LPL: variants seen among roughly 807,000 people sequenced by gnomAD.
LPL encodes the protein lipoprotein lipase, also known as phospholipase A1.
LPL carries 43 observed loss-of-function variants against 52.2 expected under a neutral mutation model. The observed-to-expected ratio is 0.82, with a 90% CI of 0.64 to 1.06. LPL has a LOEUF of 1.06. Among genes scored for constraint, LPL ranks in the 50% least tolerant of loss-of-function variants. LPL has a pLI of 0.00. For missense variants in LPL, 639 were observed against 585.3 expected (o/e 1.09, Z -0.95); for synonymous variants, 244 against 215.6 (o/e 1.13, Z -1.15).
intron 1 of LPL, among the ~76,000 whole-genome samples, chr8:19,945,274 T>G (rs182899711): frequency 1.8e-4 from 27 of 152,182 alleles, no homozygotes; most frequent in Non-Finnish European, 3.1e-4. Flanking sequence ...GACTGAAGTT[T>G]GGGAAGCATA....
At position 19,944,421 on chromosome 8, in the gene LPL, A is replaced by C. The variant is rs577698339; in HGVS notation, c.89-3759A>C. 2.8e-5 allele frequency among the ~76,000 whole-genome samples: 4 copies of C among 142,788 alleles called. No individual in the cohort carries two copies. The highest frequency in any genetic ancestry group is 1.0e-4 in the African/African-American group (4 of 38,678). 93.7% of individuals were successfully genotyped at this position (142,788 alleles called of 152,430 possible). ...GTCTCAGAGAGCAAATGAATTACTG[A>C]GGAAGCCCTGTAGGAGTGAGAGAAA... is the stretch of plus-strand genomic sequence containing the variant. On this transcript the variant is annotated intron_variant, in intron 1 of 9. Coordinates refer to ENST00000650287, the MANE Select transcript of LPL (RefSeq NM_000237.3). This position sits in a 1 kb window ranked among gnomAD's most constrained non-coding sequence, Gnocchi z 4.2.
chr8:19,964,870 G>T (rs1183266122), intron 9 of LPL, among the ~76,000 whole-genome samples: 3 of 152,130 alleles, frequency 2.0e-5, no homozygotes, highest in Non-Finnish European at 2.9e-5. Context: ...TATCTAGGAG[G>T]TAATTATAAA....
chr8:19,948,510 A>G, intron 2 of LPL, 170 bp downstream of exon 2: 2 of 727,708 alleles, frequency 2.7e-6, no homozygotes, highest in South Asian at 3.8e-5. Flanking sequence ...CCACAGGTTC[A>G]TGAGAACTCC....
chr8:19,948,587 G>C (rs373827157), intron 2 of LPL: 15 of 480,802 alleles, frequency 3.1e-5, no homozygotes, highest in African/African-American at 1.7e-4. Context: ...AGAGCTTCCT[G>C]CGAGGTTGGT....
rs540842747 is a variant in LPL at position 19,954,101 on chromosome 8, T to C, written c.542-19T>C. 2.5e-6 allele frequency: 4 copies of C among 1,578,530 alleles called. No individual in the cohort carries two copies. Among genetic ancestry groups the C allele is most frequent in the African/African-American group, 1.3e-5 (1 of 74,396 alleles). On this transcript the variant is annotated intron_variant, in intron 4 of 9. Transcript: ENST00000650287. Reference sequence around the variant, plus strand: ...ATGGAAATTTACAAATCTGTGTTCCTGCTTTTTTCCCTTTTAAGGCCTCGA... The same window carrying C: ...ATGGAAATTTACAAATCTGTGTTCCCGCTTTTTTCCCTTTTAAGGCCTCGA...
At chr8:19,954,505 C>T in intron 5 of LPL, 152 bp downstream of exon 5, 1 of 736,418 alleles carries the variant, frequency 1.4e-6, no homozygotes, top group South Asian at 1.7e-5. Flanking sequence ...TCAGCATGAC[C>T]ACCTTAGAGC....
At position 19,951,866 on chromosome 8, in the gene LPL, G is replaced by A. The variant is rs775728208; in HGVS notation, c.347G>A (p.Arg116Gln). Residue 116 changes from arginine (R) to glutamine (Q), a missense_variant, in exon 3 of 10, where the codon CGG becomes CAG. Physicochemically the swap from Arg to Gln is conservative, Grantham distance 43. Transcript: ENST00000650287. ...GTCATTGTGGTGGACTGGCTGTCAC[G>A]GGCTCAGGAGCATTACCCAGTGTCC... is the stretch of plus-strand genomic sequence containing the variant. Reference protein sequence around the residue: ...SNVIVVDWLSRAQEHYPVSAG... With the variant: ...SNVIVVDWLSQAQEHYPVSAG... The A allele has an allele frequency of 1.2e-5, 19 of 1,614,088 alleles. No individual in the cohort carries two copies. The highest frequency in any genetic ancestry group is 4.5e-5 in the East Asian group (2 of 44,870).
chr8:19,947,080 T>A (rs2069887581), intron 1 of LPL, among the ~76,000 whole-genome samples: 1 of 152,246 alleles, frequency 6.6e-6, no homozygotes, highest in Non-Finnish European at 1.5e-5. Flanking sequence ...CACGGGTATT[T>A]CTGAACAACC....
At chr8:19,956,488 C>T (rs572193352) in intron 6 of LPL, among the ~76,000 whole-genome samples, 2 of 152,204 alleles carry the variant, frequency 1.3e-5, no homozygotes, top group Non-Finnish European at 2.9e-5. Context: ...TTCAGGGGTA[C>T]GTATGTAGGT....
intron 9 of LPL, among the ~76,000 whole-genome samples, chr8:19,964,960 T>G (rs2070072691): frequency 6.6e-6 from 1 of 152,252 alleles, no homozygotes; most frequent in Admixed American, 6.5e-5. Flanking sequence ...TCACACCTTC[T>G]GCTAACTCCT....
At chr8:19,948,629 G>T in intron 2 of LPL, 1 of 400,682 alleles carries the variant, frequency 2.5e-6, no homozygotes, top group Non-Finnish European at 4.5e-6. Context: ...CTGAGCAGAA[G>T]ATAGGTGATT....
chr8:19,943,869 A>G (rs1057047195), intron 1 of LPL, among the ~76,000 whole-genome samples: 2 of 152,158 alleles, frequency 1.3e-5, no homozygotes, highest in Non-Finnish European at 2.9e-5. Context: ...TATTTTTCCT[A>G]TTCCATTAAT....
At chr8:19,954,498 G>A in intron 5 of LPL, 145 bp downstream of exon 5, 1 of 787,412 alleles carries the variant, frequency 1.3e-6, no homozygotes, top group Non-Finnish European at 2.1e-6. Context: ...GCAATGTTCA[G>A]CATGACCACC....
At chr8:19,956,831 A>G (rs989941261) in intron 6 of LPL, among the ~76,000 whole-genome samples, 1 of 152,052 alleles carries the variant, frequency 6.6e-6, no homozygotes, top group Non-Finnish European at 1.5e-5. Context: ...TTATTTATTT[A>G]TTTATTTAAT....
intron 6 of LPL, 49 bp downstream of exon 6, chr8:19,956,132 T>G: frequency 1.2e-6 from 2 of 1,610,652 alleles, no homozygotes; most frequent in Non-Finnish European, 1.7e-6. Flanking sequence ...TCCTATTTCA[T>G]CATGCTCACT....
At chr8:19,956,324 C>T (rs1393242804) in intron 6 of LPL, among the ~76,000 whole-genome samples, 1 of 152,204 alleles carries the variant, frequency 6.6e-6, no homozygotes, top group Non-Finnish European at 1.5e-5. Context: ...TCGCTGCCCT[C>T]CCCTGTAAAT....
At position 19,959,240 on chromosome 8, in the gene LPL, T is replaced by A; in HGVS notation, c.1019-20T>A. The A allele has an allele frequency of 1.2e-6, 2 of 1,614,116 alleles. No homozygotes were observed. Among genetic ancestry groups the A allele is most frequent in the Middle Eastern group, 1.6e-4 (1 of 6,062 alleles). The stretch of plus-strand genomic sequence containing the variant: ...TTTTCATAAAGATTGATCAACATGT[T>A]CGAATTTCCTCCCCAACAGTCTTCC... On this transcript the variant is annotated intron_variant, in intron 6 of 9. Coordinates refer to ENST00000650287, the MANE Select transcript of LPL (RefSeq NM_000237.3).
At chr8:19,954,663 A>G (rs1210669779) in intron 5 of LPL, among the ~76,000 whole-genome samples, 1 of 152,206 alleles carries the variant, frequency 6.6e-6, no homozygotes, top group Non-Finnish European at 1.5e-5. Context: ...ATCTGGCCAC[A>G]TGTTGTCATA....
At position 19,939,657 on chromosome 8, in the gene LPL, C is replaced by A; in HGVS notation, c.88+129C>A. 1.1e-6 allele frequency: 1 copy of A among 951,956 alleles called. No homozygotes were observed. The highest frequency in any genetic ancestry group is 1.6e-6 in the Non-Finnish European group (1 of 636,922). 59.0% of individuals were successfully genotyped at this position (951,956 alleles called of 1,614,324 possible). On this transcript the variant is annotated intron_variant, in intron 1 of 9. Coordinates refer to ENST00000650287, the MANE Select transcript of LPL (RefSeq NM_000237.3). The surrounding 1 kb of genome is among the most constrained non-coding windows in gnomAD (Gnocchi z 4.0). ...CGCCCAGGGACTCTCCCAGCCTGGG[C>A]TCTAGCCCCGAAACGGTCCCCGGAG...
Sources: gnomAD v4.1 joint callset for allele counts (sites outside exome capture counted in the v4.1 genomes callset) on GRCh38, gnomAD v4.1.1 for gene constraint, Gnocchi (gnomAD v3.1) non-coding constraint, MANE v1.5 for transcripts, NCBI Gene and HGNC (gene_info 2026-07-23, HGNC 2026-07-21) for gene names.